TFRC: variants seen among roughly 807,000 people sequenced by gnomAD.
The protein encoded by TFRC is transferrin receptor.
TFRC carries 35 observed loss-of-function variants against 85.8 expected under a neutral mutation model. That is an observed-to-expected ratio of 0.41 (90% confidence interval 0.31 to 0.54). TFRC has a LOEUF of 0.54. Among genes scored for constraint, TFRC ranks in the 20% least tolerant of loss-of-function variants. The probability of loss-of-function intolerance (pLI) is 0.31; values close to 1 mark genes in which losing one functional copy is unlikely to be tolerated. For missense variants in TFRC, 828 were observed against 921.5 expected, an observed-to-expected ratio of 0.90 and a Z score of 1.31; for synonymous variants, 362 against 328.6, an observed-to-expected ratio of 1.10 and a Z score of -1.10.
chr3:196,062,280 C>T (rs1717344393), intron 13 of TFRC: 1 of 336,246 alleles, frequency 3.0e-6, no homozygotes, highest in Admixed American at 4.8e-5. Context: ...CAGTGGCCCA[C>T]ATCTGTAATC....
Position 196,075,139 on chromosome 3 carries a change from T to G in TFRC, c.238+20A>C. The G allele has an allele frequency of 6.2e-7, 1 of 1,612,126 alleles. No individual in the cohort carries two copies. The highest frequency in any genetic ancestry group is 8.5e-7 in the Non-Finnish European group (1 of 1,178,688). On this transcript the variant is annotated intron_variant, in intron 3 of 18. Coordinates refer to ENST00000360110, the MANE Select transcript of TFRC (RefSeq NM_001128148.3). Reference sequence around the variant, plus strand: ...GAGTTGGTTATAGAAAACATTGAAGTTTGGAATGGTCATTCTCACCAATCA... The same window carrying G: ...GAGTTGGTTATAGAAAACATTGAAGGTTGGAATGGTCATTCTCACCAATCA...
At chr3:196,052,251 T>C (rs1716385111) in intron 18 of TFRC, 67 bp from the exon 19 acceptor site, 1 of 1,497,434 alleles carries the variant, frequency 6.7e-7, no homozygotes, top group Non-Finnish European at 9.0e-7. Flanking sequence ...AACAGTTCAC[T>C]TCAAATGTAA....
intron 4 of TFRC, among the ~76,000 whole-genome samples, chr3:196,073,036 CAAAAAAAAAAAA>C (rs56723183): frequency 1.4e-5 from 1 of 72,152 alleles, no homozygotes; most frequent in African/African-American, 4.9e-5. Context: ...CCCGTTTCTG[CAAAAAAAAAAAA>C]AAAAAAAAAA....
rs1322396690 is a variant in TFRC at position 196,064,352 on chromosome 3, G to A, written c.1275C>T (p.Leu425=). The A allele has an allele frequency of 1.2e-6, 2 of 1,613,656 alleles. No homozygotes were observed. Among genetic ancestry groups the A allele is most frequent in the South Asian group, 1.1e-5 (1 of 91,022 alleles). ...AGAACATCTGGGCAAGTTTCAATAG[G>A]AGAGCTGTGCCTACACCGGATTTTG... ...GAAKSGVGTA[L]LLKLAQMFSD... Residue 425 remains leucine (L), a synonymous_variant, in exon 11 of 19, where the codon CTC becomes CTT. Coordinates refer to ENST00000360110, the MANE Select transcript of TFRC (RefSeq NM_001128148.3).
chr3:196,054,546 T>C (rs1468690847), intron 17 of TFRC, among the ~76,000 whole-genome samples: 2 of 152,254 alleles, frequency 1.3e-5, no homozygotes, highest in East Asian at 1.9e-4. Context: ...ATATTAGTTT[T>C]ATTAATTTAT....
chr3:196,078,308 G>A (rs1396127244), intron 1 of TFRC, among the ~76,000 whole-genome samples: 1 of 152,124 alleles, frequency 6.6e-6, no homozygotes, highest in Non-Finnish European at 1.5e-5. Flanking sequence ...ACGGCACAAA[G>A]CAAGCTGTGA....
At chr3:196,059,968 T>C (rs185767803) in intron 14 of TFRC, among the ~76,000 whole-genome samples, 1 of 152,316 alleles carries the variant, frequency 6.6e-6, no homozygotes, top group African/African-American at 2.4e-5. Context: ...CATTTTGTTA[T>C]ATATTCCTAA....
intron 7 of TFRC, 98 bp downstream of exon 7, chr3:196,069,357 G>A: frequency 1.3e-6 from 1 of 748,614 alleles, no homozygotes; most frequent in East Asian, 2.8e-5. Flanking sequence ...TAAGATTGCT[G>A]ATTTTCAGAA....
At chr3:196,075,047 A>AC in intron 3 of TFRC, 112 bp downstream of exon 3, 3 of 311,182 alleles carry the variant, frequency 9.6e-6, no homozygotes, top group Non-Finnish European at 1.3e-5. Context: ...CTCTGTCTCC[A>AC]AAAAAAAAAA....
Position 196,051,696 on chromosome 3 carries a change from TAA to T in TFRC, c.*244_*245del, listed in dbSNP as rs1716321317. The T allele has an allele frequency of 2.1e-6, 1 of 481,150 alleles. No homozygotes were observed. The highest frequency in any genetic ancestry group is 3.7e-6 in the Non-Finnish European group (1 of 271,720). 29.8% of individuals were successfully genotyped at this position (481,150 alleles called of 1,614,324 possible). A position where few individuals can be genotyped will look rare whatever the true frequency, so the allele number is the denominator to read the frequency against. On this transcript the variant is annotated 3_prime_UTR_variant, in exon 19 of 19. Coordinates refer to ENST00000360110, the MANE Select transcript of TFRC (RefSeq NM_001128148.3). ...GAGGCAGTTCCCATTACAAAGCACT[TAA>T]AATTCTAGAGATAGGGGAATATTCC...
At chr3:196,061,484 C>T (rs41297473) in intron 13 of TFRC, among the ~76,000 whole-genome samples, 2 of 151,892 alleles carry the variant, frequency 1.3e-5, no homozygotes, top group Non-Finnish European at 2.9e-5. Context: ...AAAAAAAAAG[C>T]CCAGTTTTTT....
In TFRC at chr3:196,049,861, T is replaced by A. The variant is rs114451457; in HGVS notation, c.*2081A>T. ...GAGTAGTGACACATTCAAGTGAGGCTGTAAATCTAGGTAAGTGACACTAAG... is the reference window on the plus strand; with the variant it reads ...GAGTAGTGACACATTCAAGTGAGGCAGTAAATCTAGGTAAGTGACACTAAG... On this transcript the variant is annotated 3_prime_UTR_variant, in exon 19 of 19. Transcript: ENST00000360110. 3.6e-3 allele frequency: 832 copies of A among 231,298 alleles called. 8 individuals are homozygous for A. Among genetic ancestry groups the A allele is most frequent in the African/African-American group, 0.017 (787 of 45,364 alleles). 14.3% of individuals were successfully genotyped at this position (231,298 alleles called of 1,614,324 possible). A position where few individuals can be genotyped will look rare whatever the true frequency, so the allele number is the denominator to read the frequency against.
chr3:196,073,780 T>C lies in TFRC; in HGVS notation c.434+150A>G. 3 of 778,006 alleles carry C rather than the reference T, an allele frequency of 3.9e-6. No individual in the cohort carries two copies. In the East Asian group the frequency reaches 9.1e-5, roughly 24 times the overall value. The allele number at this position is 778,006 out of a possible 1,614,324, so 48.2% of individuals were successfully genotyped here. On this transcript the variant is annotated intron_variant, in intron 4 of 18. Transcript: ENST00000360110. ...CCCTACCAGTATAGTTTCAGTTTTT[T>C]ACAGGCCCCTTCCCCTCTTTAGCTA... is the stretch of plus-strand genomic sequence containing the variant.
At chr3:196,054,329 C>T (rs1716593146) in intron 17 of TFRC, among the ~76,000 whole-genome samples, 1 of 151,920 alleles carries the variant, frequency 6.6e-6, no homozygotes, top group South Asian at 2.1e-4. Flanking sequence ...CGCTTAAAGC[C>T]GGGAGGTGGA....
At chr3:196,070,646 AG>A (rs1015393207) in intron 6 of TFRC, among the ~76,000 whole-genome samples, 16 of 151,838 alleles carry the variant, frequency 1.1e-4, no homozygotes, top group African/African-American at 3.9e-4. Flanking sequence ...AAAAAGATCA[AG>A]GGCTGGGCGA....
At chr3:196,076,991 C>CGTAA (rs1718756348) in intron 2 of TFRC, 73 bp downstream of exon 2, 1 of 1,388,582 alleles carries the variant, frequency 7.2e-7, no homozygotes, top group South Asian at 1.2e-5. Context: ...TTATTTCATG[C>CGTAA]TTACTCAGTT....
At chr3:196,081,695 G>C (rs2108663060) in intron 1 of TFRC, 1 of 152,498 alleles carries the variant, frequency 6.6e-6, no homozygotes, top group East Asian at 1.9e-4. Context: ...GCGACAGTGG[G>C]GGTACACCTG....
At chr3:196,063,003 T>C (rs1278861262) in intron 11 of TFRC, 64 bp from the exon 12 acceptor site, 2 of 1,371,514 alleles carry the variant, frequency 1.5e-6, no homozygotes, top group African/African-American at 1.4e-5. Context: ...ATGGAAGGTA[T>C]CCCACTTAAG....
chr3:196,053,438 G>A lies in TFRC; in HGVS notation c.2020C>T (p.Leu674Phe). 6.2e-7 allele frequency: 1 copy of A among 1,614,152 alleles called. No individual in the cohort carries two copies. The highest frequency in any genetic ancestry group is 8.5e-7 in the Non-Finnish European group (1 of 1,180,018). ...EKTDRFVMKK[L>F]NDRVMRVEYH... ...CTTACTCTCATGACACGATCATTGA[G>A]TTTCTTCATGACAAATCTGTCTGTT... Residue 674 changes from leucine to phenylalanine, a missense_variant, in exon 18 of 19, where the codon CTC (leucine) becomes TTC (phenylalanine). Leu to Phe is a conservative substitution (Grantham distance 22). Transcript: ENST00000360110.
Sources: gnomAD v4.1 joint callset for allele counts (sites outside exome capture counted in the v4.1 genomes callset) on GRCh38, gnomAD v4.1.1 for gene constraint, MANE v1.5 for transcripts, NCBI Gene and HGNC (gene_info 2026-07-23, HGNC 2026-07-21) for gene names.